Variants in PTPN21 observed in about 807,000 individuals in gnomAD.
PTPN21 encodes tyrosine-protein phosphatase non-receptor type 21.
Under a neutral mutation model 131.8 loss-of-function variants are expected in PTPN21, and 77 were observed. The observed-to-expected ratio is 0.58, with a 90% CI of 0.49 to 0.71. PTPN21 has a LOEUF of 0.71. Among genes scored for constraint, PTPN21 ranks in the 30% least tolerant of loss-of-function variants. PTPN21 has a pLI of 0.00. For synonymous variants in PTPN21, 715 were observed against 621.3 expected (o/e 1.15, Z -2.24); for missense variants, 1,552 against 1,527.1 (o/e 1.02, Z -0.27).
At chr14:88,502,716 G>T (rs181258131) in intron 6 of PTPN21, among the ~76,000 whole-genome samples, 5 of 152,282 alleles carry the variant, frequency 3.3e-5, no homozygotes, top group Admixed American at 3.3e-4. Context: ...AGCTAGAAAA[G>T]AAATGGTTCA....
chr14:88,504,391 T>C (rs764324720), intron 6 of PTPN21, 34 bp downstream of exon 6: 2 of 1,400,788 alleles, frequency 1.4e-6, no homozygotes, highest in South Asian at 2.3e-5. Context: ...ACATTGGTTC[T>C]ATGCTATTTC....
At chr14:88,517,700 ATG>A (rs1407313683) in intron 2 of PTPN21, among the ~76,000 whole-genome samples, 1 of 145,924 alleles carries the variant, frequency 6.9e-6, no homozygotes, top group Non-Finnish European at 1.5e-5. Context: ...ATGTGTGCGT[ATG>A]TGTATATATG....
At chr14:88,495,286 G>A (rs1315396078) in intron 10 of PTPN21, among the ~76,000 whole-genome samples, 1 of 152,168 alleles carries the variant, frequency 6.6e-6, no homozygotes, top group Non-Finnish European at 1.5e-5. Context: ...TATACAGGCA[G>A]TAGTATATAT....
Position 88,485,786 on chromosome 14 carries a change from G to T in PTPN21, c.989C>A (p.Ser330Tyr). 6.3e-7 allele frequency: 1 copy of T among 1,599,692 alleles called. No homozygotes were observed. The highest frequency in any genetic ancestry group is 8.6e-7 in the Non-Finnish European group (1 of 1,167,782). The change falls in exon 11 of 19, where the codon TCT (serine) becomes TAT (tyrosine). Residue 330 changes from serine (S) to tyrosine (Y), a missense_variant. By Grantham distance (144) the Ser-to-Tyr change is moderately radical. Around this residue, in one of 4 missense-constraint regions of PTPN21, gnomAD observed 1,016 missense variants for 883.5 expected, o/e 1.15. Coordinates refer to ENST00000556564, the MANE Select transcript of PTPN21 (RefSeq NM_007039.4). ...CATATTTTCCTTGTTTCTTACCAGA[G>T]ACATCCTTGAAGAAGACCTCCTCCT... ...PIRRRSSSRM[S>Y]LPKPQPYVMP... is the part of the protein sequence containing the mutation.
At chr14:88,524,759 G>C (rs563696482) in intron 2 of PTPN21, among the ~76,000 whole-genome samples, 17 of 152,162 alleles carry the variant, frequency 1.1e-4, no homozygotes, top group Non-Finnish European at 2.2e-4. Flanking sequence ...TTTAAAGTTA[G>C]CTGGGTGTGG....
At chr14:88,552,432 G>T (rs1322789827) in intron 1 of PTPN21, 1 of 152,160 alleles carries the variant, frequency 6.6e-6, no homozygotes, top group African/African-American at 2.4e-5. Flanking sequence ...CTAAACCGTC[G>T]CTGTCTTTAA....
At chr14:88,503,465 A>G (rs535329704) in intron 6 of PTPN21, among the ~76,000 whole-genome samples, 4 of 152,328 alleles carry the variant, frequency 2.6e-5, no homozygotes, top group African/African-American at 9.6e-5. Context: ...TGATGGTTCA[A>G]CTGAATGACT....
At chr14:88,496,387 A>C in intron 10 of PTPN21, 26 bp downstream of exon 10, 1 of 1,559,398 alleles carries the variant, frequency 6.4e-7, no homozygotes, top group South Asian at 1.1e-5. Flanking sequence ...TATTTTTGAT[A>C]ATTTCCATGA....
Position 88,522,427 on chromosome 14 carries a change from C to CAAAA in PTPN21, c.181-5170_181-5167dup, listed in dbSNP as rs1177147324. 8.1e-3 allele frequency among the ~76,000 whole-genome samples: 291 copies of CAAAA among 35,804 alleles called. 15 individuals carry two copies. Among genetic ancestry groups the CAAAA allele is most frequent in the Middle Eastern group, 0.031 (2 of 64 alleles). The allele number at this position is 35,804 out of a possible 152,430, so 23.5% of individuals were successfully genotyped here. A position where few individuals can be genotyped will look rare whatever the true frequency, so the allele number is the denominator to read the frequency against. ...CCTGGGCGACAGAGCAAGACTGTCTCAAAAAAAAAAAAAAAAGAAAAAAAG... is the reference window on the plus strand; with the variant it reads ...CCTGGGCGACAGAGCAAGACTGTCTCAAAAAAAAAAAAAAAAAAAAGAAAAAAAG... On this transcript the variant is annotated intron_variant, in intron 2 of 18. Transcript: ENST00000556564.
chr14:88,528,923 T>C (rs1212836811), intron 2 of PTPN21, among the ~76,000 whole-genome samples: 1 of 152,208 alleles, frequency 6.6e-6, no homozygotes, highest in Non-Finnish European at 1.5e-5. Context: ...ATATCATCAG[T>C]GAATAGAGAC....
chr14:88,478,974 C>A lies in PTPN21; in HGVS notation c.2457G>T (p.Val819=). 6.4e-7 allele frequency: 1 copy of A among 1,562,932 alleles called. No individual in the cohort carries two copies. Among genetic ancestry groups the A allele is most frequent in the South Asian group, 1.2e-5 (1 of 84,002 alleles). The change falls in exon 13 of 19, where the codon GTG becomes GTT. Residue 819 remains valine, a synonymous_variant. Coordinates refer to ENST00000556564, the MANE Select transcript of PTPN21 (RefSeq NM_007039.4). The stretch of plus-strand genomic sequence containing the variant: ...TCTTCTTCCCAGAGAGAAGGTCCGA[C>A]ACCGGCCTTTTCTTCAGAGAGTCCC... ...ARRDSLKKRP[V]SDLLSGKKNI...
chr14:88,498,940 C>T (rs10142399), intron 8 of PTPN21, among the ~76,000 whole-genome samples: 36,567 of 152,012 alleles, frequency 0.24, 4,842 homozygotes, highest in African/African-American at 0.35. Flanking sequence ...ATAAAATCAA[C>T]TTAGTACGGA....
At chr14:88,528,833 A>T (rs1356209343) in intron 2 of PTPN21, among the ~76,000 whole-genome samples, 1 of 152,222 alleles carries the variant, frequency 6.6e-6, no homozygotes, top group African/African-American at 2.4e-5. Flanking sequence ...GCATGAAAAC[A>T]GACTAAAACA....
chr14:88,497,808 A>C (rs1415355179), intron 8 of PTPN21, among the ~76,000 whole-genome samples: 3 of 151,348 alleles, frequency 2.0e-5, no homozygotes, highest in Admixed American at 1.3e-4. Flanking sequence ...CAAATAAAAA[A>C]CAAAAACTAG....
At chr14:88,535,555 C>T (rs745356999) in intron 2 of PTPN21, among the ~76,000 whole-genome samples, 8 of 152,164 alleles carry the variant, frequency 5.3e-5, no homozygotes, top group African/African-American at 1.7e-4. Flanking sequence ...TGGTGAAGAA[C>T]TTTGTAAGTT....
At chr14:88,503,013 T>C (rs1566829296) in intron 6 of PTPN21, among the ~76,000 whole-genome samples, 1 of 152,110 alleles carries the variant, frequency 6.6e-6, no homozygotes, top group Admixed American at 6.5e-5. Flanking sequence ...CTGCTTTCAA[T>C]TTCCACCTCT....
chr14:88,475,335 G>A (rs780779016), intron 13 of PTPN21, among the ~76,000 whole-genome samples: 1 of 152,208 alleles, frequency 6.6e-6, no homozygotes, highest in Non-Finnish European at 1.5e-5. Context: ...ATTGGAGACT[G>A]TGATTGGTAC....
At chr14:88,477,549 T>C (rs900304105) in intron 13 of PTPN21, among the ~76,000 whole-genome samples, 5 of 151,264 alleles carry the variant, frequency 3.3e-5, no homozygotes, top group African/African-American at 1.2e-4. Context: ...AGTACTATAA[T>C]AGTGTGCGTT....
At chr14:88,542,575 G>A (rs954329328) in intron 2 of PTPN21, among the ~76,000 whole-genome samples, 16 of 152,208 alleles carry the variant, frequency 1.1e-4, no homozygotes, top group Admixed American at 1.0e-3. Flanking sequence ...AGTCTAGGTT[G>A]AATAATACTC....
Sources: gnomAD v4.1 joint callset for allele counts (sites outside exome capture counted in the v4.1 genomes callset) on GRCh38, gnomAD v4.1.1 for gene constraint, gnomAD v4.1.1 regional missense constraint, MANE v1.5 for transcripts, NCBI Gene and HGNC (gene_info 2026-07-23, HGNC 2026-07-21) for gene names.